JADE2: variants seen among roughly 807,000 people sequenced by gnomAD.
JADE2 encodes the protein jade family PHD finger 2.
JADE2 carries 13 observed loss-of-function variants against 85.7 expected under a neutral mutation model. That is an observed-to-expected ratio of 0.15 (90% CI 0.10 to 0.24). The LOEUF is 0.24. Ranked by LOEUF, JADE2 falls within the 10% of genes least tolerant of loss-of-function variation. JADE2 has a pLI of 1.00. For missense variants in JADE2, 846 were observed against 1,115.9 expected, an observed-to-expected ratio of 0.76 and a Z score of 3.45; for synonymous variants, 440 against 456.1, an observed-to-expected ratio of 0.96 and a Z score of 0.45.
At chr5:134,526,294 T>G (rs1240483351) in intron 1 of JADE2, 1 of 985,080 alleles carries the variant, frequency 1.0e-6, no homozygotes, top group Non-Finnish European at 1.2e-6. Flanking sequence ...AGGGTGAGCT[T>G]GGCGACCTTC....
chr5:134,533,507 G>T (rs868097599), intron 1 of JADE2: 1 of 984,494 alleles, frequency 1.0e-6, no homozygotes, highest in Non-Finnish European at 1.2e-6. Flanking sequence ...TTTTAATACT[G>T]TGGGAGATGC....
In JADE2 at chr5:134,581,916, C is replaced by G. The variant is rs905449330; in HGVS notation, c.*2599C>G. 1.3e-5 allele frequency: 2 copies of G among 152,378 alleles called. No individual in the cohort carries two copies. Among genetic ancestry groups the G allele is most frequent in the African/African-American group, 4.8e-5 (2 of 41,446 alleles). The allele number at this position is 152,378 out of a possible 1,614,324, so 9.4% of individuals were successfully genotyped here. A position where few individuals can be genotyped will look rare whatever the true frequency, so the allele number is the denominator to read the frequency against. Reference sequence around the variant, plus strand: ...CCTCCCCCAGTTCCCAGCCTTTCCCCTGTTGGTCACAGCCGCTTCTGTCTT... The same window carrying G: ...CCTCCCCCAGTTCCCAGCCTTTCCCGTGTTGGTCACAGCCGCTTCTGTCTT... On this transcript the variant is annotated 3_prime_UTR_variant, in exon 12 of 12. Coordinates refer to ENST00000681547, the MANE Select transcript of JADE2 (RefSeq NM_001388185.1).
Position 134,566,298 on chromosome 5 carries a change from CGAG to C in JADE2, c.1155_1157del (p.Glu385del), listed in dbSNP as rs1561756275. ...AGCCCACGGAACCCAGCCAGGCTGG[CGAG>C]GACCTGGAAAAGGTGACCCTGCGCA... On this transcript the variant is annotated inframe_deletion, in exon 9 of 12. Coordinates refer to ENST00000681547, the MANE Select transcript of JADE2 (RefSeq NM_001388185.1). This position sits in a 1 kb window ranked among gnomAD's most constrained non-coding sequence, Gnocchi z 6.7. The C allele has an allele frequency of 6.2e-7, 1 of 1,614,146 alleles. No individual in the cohort carries two copies. The highest frequency in any genetic ancestry group is 1.1e-5 in the South Asian group (1 of 91,082).
intron 9 of JADE2, among the ~76,000 whole-genome samples, chr5:134,569,531 C>T (rs1224358698): frequency 6.6e-6 from 1 of 152,188 alleles, no homozygotes. Context: ...TTGATCAGCC[C>T]GACAAGTGCC....
At chr5:134,556,701 T>C (rs1428496505) in intron 4 of JADE2, among the ~76,000 whole-genome samples, 589 of 26,580 alleles carry the variant, frequency 0.022, no homozygotes, top group Non-Finnish European at 0.024. Flanking sequence ...ACACAACACA[T>C]ACACACCACA....
intron 3 of JADE2, among the ~76,000 whole-genome samples, chr5:134,547,615 A>G (rs1198859518): frequency 1.3e-5 from 2 of 152,234 alleles, no homozygotes; most frequent in East Asian, 1.9e-4. Flanking sequence ...GAAATTCAAC[A>G]CAAAATGATG....
chr5:134,525,985 C>T lies in JADE2; in HGVS notation c.-27C>T. On this transcript the variant is annotated 5_prime_UTR_variant, in exon 1 of 12. Coordinates refer to ENST00000681547, the MANE Select transcript of JADE2 (RefSeq NM_001388185.1). The stretch of plus-strand genomic sequence containing the variant: ...CAGCGGCGCGTAGCCGAGGGCAGCG[C>T]CCGTCAGGGGGGCACCGCGGAGCAA... The T allele has an allele frequency of 1.0e-6, 1 of 985,614 alleles. No homozygotes were observed. Among genetic ancestry groups the T allele is most frequent in the Non-Finnish European group, 1.2e-6 (1 of 830,136 alleles). 61.1% of individuals were successfully genotyped at this position (985,614 alleles called of 1,614,324 possible).
chr5:134,576,984 G>C lies in JADE2; in HGVS notation c.1681+88G>C, dbSNP rs1398821835. On this transcript the variant is annotated intron_variant, in intron 11 of 11. Coordinates refer to ENST00000681547, the MANE Select transcript of JADE2 (RefSeq NM_001388185.1). ...CTGTCTGCCCTGCGGAAGGCCAGCT[G>C]CACAGAGTAGGAGACTGAGGCTCAA... 4.2e-6 allele frequency: 6 copies of C among 1,430,148 alleles called. No homozygotes were observed. The African/African-American group carries it at 5.8e-5, about 14-fold the overall frequency. 88.6% of individuals were successfully genotyped at this position (1,430,148 alleles called of 1,614,324 possible).
Position 134,578,783 on chromosome 5 carries a change from CGGGCCT to C in JADE2, c.1974_1979del (p.Pro659_Gly660del). 6.2e-7 allele frequency: 1 copy of C among 1,613,774 alleles called. No individual in the cohort carries two copies. Among genetic ancestry groups the C allele is most frequent in the East Asian group, 2.2e-5 (1 of 44,880 alleles). ...AACCACCACCACCACCACCGCAGGA[CGGGCCT>C]GGTTCACGGACGACTCCAGACAAAG... is the stretch of plus-strand genomic sequence containing the variant. On this transcript the variant is annotated inframe_deletion, in exon 12 of 12. Coordinates refer to ENST00000681547, the MANE Select transcript of JADE2 (RefSeq NM_001388185.1). The surrounding 1 kb of genome is among the most constrained non-coding windows in gnomAD (Gnocchi z 4.4).
At chr5:134,554,768 A>C (rs896747445) in intron 4 of JADE2, among the ~76,000 whole-genome samples, 1 of 152,112 alleles carries the variant, frequency 6.6e-6, no homozygotes, top group Non-Finnish European at 1.5e-5. Flanking sequence ...CGGCCCAGCC[A>C]CTGCATCCTC....
chr5:134,529,462 G>A (rs560081177), intron 1 of JADE2, among the ~76,000 whole-genome samples: 4 of 152,240 alleles, frequency 2.6e-5, no homozygotes, highest in Non-Finnish European at 4.4e-5. Flanking sequence ...TGGCTGTGCA[G>A]TTACCAACTG....
At chr5:134,527,995 G>A (rs1348814634) in intron 1 of JADE2, among the ~76,000 whole-genome samples, 1 of 152,136 alleles carries the variant, frequency 6.6e-6, no homozygotes, top group African/African-American at 2.4e-5. Flanking sequence ...GTTTGTAGGG[G>A]GTCATCGAGA....
intron 8 of JADE2, among the ~76,000 whole-genome samples, 169 bp from the exon 9 acceptor site, chr5:134,565,947 C>G (rs1763615162): frequency 1.3e-5 from 2 of 151,838 alleles, no homozygotes; most frequent in African/African-American, 4.8e-5. Flanking sequence ...TCCTCCTCCT[C>G]CCCTGCCGTA....
At chr5:134,539,237 ATT>A (rs561177989) in intron 3 of JADE2, among the ~76,000 whole-genome samples, 294 of 151,516 alleles carry the variant, frequency 1.9e-3, no homozygotes, top group Admixed American at 3.9e-3. Context: ...AATTTTTTGT[ATT>A]TTTTTAGTAG....
In JADE2 at chr5:134,579,661, CAGA is replaced by C; in HGVS notation, c.*345_*347del. On this transcript the variant is annotated 3_prime_UTR_variant, in exon 12 of 12. Transcript: ENST00000681547. The surrounding 1 kb of genome is among the most constrained non-coding windows in gnomAD (Gnocchi z 4.6). ...TCCAGCCCACTGCCACTGGGTGACACAGACTGTCGTTTGGGCATTATTTCATGG... is the reference window on the plus strand; with the variant it reads ...TCCAGCCCACTGCCACTGGGTGACACCTGTCGTTTGGGCATTATTTCATGG... 3.6e-6 allele frequency: 1 copy of C among 275,456 alleles called. No homozygotes were observed. The highest frequency in any genetic ancestry group is 6.9e-6 in the Non-Finnish European group (1 of 144,722). The allele number at this position is 275,456 out of a possible 1,614,324, so 17.1% of individuals were successfully genotyped here.
intron 9 of JADE2, among the ~76,000 whole-genome samples, chr5:134,572,402 C>T (rs1020505421): frequency 4.7e-4 from 72 of 152,230 alleles, no homozygotes; most frequent in African/African-American, 1.5e-3. Flanking sequence ...CAGGAAAGAA[C>T]GGAGGATACC....
At chr5:134,524,029 CA>C (rs1760671328), upstream of JADE2, among the ~76,000 whole-genome samples, 1 of 152,180 alleles carries the variant, frequency 6.6e-6, no homozygotes, top group African/African-American at 2.4e-5. Context: ...CACGTGCCTT[CA>C]AAGCCAAAGG....
Position 134,578,947 on chromosome 5 carries a change from C to A in JADE2, c.2135C>A (p.Ala712Asp). ...GCAGCCGGGGACTGTCCCATCCTAG[C>A]CACCCCTGAAAGCCCCCCGCCACTG... is the stretch of plus-strand genomic sequence containing the variant. Reference protein sequence around the residue: ...SPAAGDCPILATPESPPPLAP... With the variant: ...SPAAGDCPILDTPESPPPLAP... Residue 712 changes from alanine to aspartate, a missense_variant, in exon 12 of 12, where the codon GCC becomes GAC. Physicochemically the swap from Ala to Asp is moderately radical, Grantham distance 126 (BLOSUM62 -2). Coordinates refer to ENST00000681547, the MANE Select transcript of JADE2 (RefSeq NM_001388185.1). The surrounding 1 kb of genome is among the most constrained non-coding windows in gnomAD (Gnocchi z 4.4). The A allele has an allele frequency of 5.0e-6, 8 of 1,613,450 alleles. No homozygotes were observed. Among genetic ancestry groups the A allele is most frequent in the Non-Finnish European group, 6.8e-6 (8 of 1,179,924 alleles).
intron 2 of JADE2, among the ~76,000 whole-genome samples, chr5:134,536,233 A>T (rs902456105): frequency 6.6e-6 from 1 of 152,156 alleles, no homozygotes; most frequent in East Asian, 1.9e-4. Flanking sequence ...GAAGGTCCAT[A>T]TAGAAAGTCT....
Sources: gnomAD v4.1 joint callset for allele counts (sites outside exome capture counted in the v4.1 genomes callset) on GRCh38, gnomAD v4.1.1 for gene constraint, Gnocchi (gnomAD v3.1) non-coding constraint, MANE v1.5 for transcripts, NCBI Gene and HGNC (gene_info 2026-07-23, HGNC 2026-07-21) for gene names.